The following NEMP2 variants were observed in gnomAD, a reference collection of about 807,000 sequenced individuals.
NEMP2 encodes the protein nuclear envelope integral membrane protein 2.
A neutral mutation model predicts 54.2 loss-of-function variants in NEMP2; 53 were observed. The ratio of observed to expected loss-of-function variants is 0.98; its 90% CI spans 0.78 to 1.23. The LOEUF is 1.23. Ranked by LOEUF, NEMP2 falls within the 50% of genes most tolerant of loss-of-function variation. NEMP2 has a pLI of 0.00. For synonymous variants in NEMP2, 197 were observed against 190.3 expected, an observed-to-expected ratio of 1.04 and a Z score of -0.29; for missense variants, 455 against 511.3, an observed-to-expected ratio of 0.89 and a Z score of 1.06.
In NEMP2 at chr2:190,512,100, T is replaced by C. The variant is rs549869669; in HGVS notation, c.954-1563A>G. On this transcript the variant is annotated intron_variant, in intron 7 of 8. Transcript: ENST00000409150. The surrounding 1 kb of genome is among the most constrained non-coding windows in gnomAD (Gnocchi z 4.5). ...TATAATCTCCTTCTGCTTTTCTGAA[T>C]ACCTGTGCATGGTTTCCCTGAAGGA... 6.6e-6 allele frequency among the ~76,000 whole-genome samples: 1 copy of C among 152,246 alleles called. No homozygotes were observed. Among genetic ancestry groups the C allele is most frequent in the African/African-American group, 2.4e-5 (1 of 41,552 alleles).
At chr2:190,599,972 G>A in the NEMP2 span, among the ~76,000 whole-genome samples, 2 of 152,182 alleles carry the variant, frequency 1.3e-5, no homozygotes, top group African/African-American at 4.8e-5. Flanking sequence ...TGGGAGCACA[G>A]CGGCTTTCAC....
rs1690340565 is a variant in NEMP2, at chr2:190,510,893, A to AAAAG, written c.954-360_954-357dup. 2.6e-5 allele frequency among the ~76,000 whole-genome samples: 4 copies of AAAAG among 152,126 alleles called. No individual in the cohort carries two copies. The South Asian group carries it at 8.3e-4, about 32-fold the overall frequency. ...GAGACTCCGTCTCAAAAAAAAAAAAAAAAGATTTACAAAAATACATTTCTT... is the reference window on the plus strand; with the variant it reads ...GAGACTCCGTCTCAAAAAAAAAAAAAAAAGAAAGATTTACAAAAATACATTTCTT... On this transcript the variant is annotated intron_variant, in intron 7 of 8. Coordinates refer to ENST00000409150, the MANE Select transcript of NEMP2 (RefSeq NM_001142645.2). The surrounding 1 kb of genome is among the most constrained non-coding windows in gnomAD (Gnocchi z 5.7).
chr2:190,599,506 A>G, the NEMP2 span, among the ~76,000 whole-genome samples: 1 of 152,190 alleles, frequency 6.6e-6, no homozygotes, highest in Non-Finnish European at 1.5e-5. Context: ...TTTGCTACTG[A>G]TTAGTAATAT....
At chr2:190,488,897 CA>C in the NEMP2 span, 1 of 1,300,906 alleles carries the variant, frequency 7.7e-7, no homozygotes, top group African/African-American at 1.5e-5. The surrounding 1 kb of genome is among the most constrained non-coding windows in gnomAD (Gnocchi z 6.4). Context: ...ATAAACAATC[CA>C]ATTATTACTG....
the NEMP2 span, among the ~76,000 whole-genome samples, chr2:190,560,202 C>T: frequency 6.6e-6 from 1 of 152,148 alleles, no homozygotes; most frequent in East Asian, 1.9e-4. This position sits in a 1 kb window ranked among gnomAD's most constrained non-coding sequence, Gnocchi z 5.4. Flanking sequence ...AAGGTAGGAG[C>T]CCGTGGGTGG....
At chr2:190,524,259 TATC>T (rs1331400803) in intron 2 of NEMP2, among the ~76,000 whole-genome samples, 5 of 151,982 alleles carry the variant, frequency 3.3e-5, no homozygotes, top group African/African-American at 1.2e-4. Context: ...ATTTGATAAA[TATC>T]ATCATGATTA....
In NEMP2 at chr2:190,516,266, C is replaced by T; in HGVS notation, c.727+4G>A. 1 of 1,536,656 alleles carries T rather than the reference C, an allele frequency of 6.5e-7. No homozygotes were observed. The stretch of plus-strand genomic sequence containing the variant: ...CAGAGCATATTGTTTTTCTATTTAC[C>T]TACCTAATACATATATCCTGTTTTC... On this transcript the variant is annotated splice_donor_region_variant and intron_variant, in intron 6 of 8. Coordinates refer to ENST00000409150, the MANE Select transcript of NEMP2 (RefSeq NM_001142645.2).
upstream of NEMP2, chr2:190,534,766 A>C: frequency 4.9e-6 from 4 of 812,058 alleles, no homozygotes; most frequent in Non-Finnish European, 6.6e-6. Context: ...TGAGGCCCGA[A>C]CGCGGGAAAG....
chr2:190,593,002 A>C, the NEMP2 span, among the ~76,000 whole-genome samples: 1 of 152,208 alleles, frequency 6.6e-6, no homozygotes, highest in Non-Finnish European at 1.5e-5. This position sits in a 1 kb window ranked among gnomAD's most constrained non-coding sequence, Gnocchi z 4.5. Context: ...TCTATTACTC[A>C]TCCTGAGTCT....
chr2:190,580,667 C>T, the NEMP2 span, among the ~76,000 whole-genome samples: 2 of 152,272 alleles, frequency 1.3e-5, no homozygotes, highest in South Asian at 2.1e-4. The surrounding 1 kb of genome is among the most constrained non-coding windows in gnomAD (Gnocchi z 5.3). Context: ...CAGGATAAAG[C>T]TCTATCAGCA....
At chr2:190,623,910 T>C in the NEMP2 span, among the ~76,000 whole-genome samples, 1 of 152,122 alleles carries the variant, frequency 6.6e-6, no homozygotes, top group African/African-American at 2.4e-5. Flanking sequence ...GAGAAAATAT[T>C]TGCAAACTAT....
intron 1 of NEMP2, 167 bp downstream of exon 1, chr2:190,534,392 G>T (rs1025912150): frequency 1.5e-5 from 18 of 1,211,410 alleles, no homozygotes; most frequent in Non-Finnish European, 1.7e-5. Flanking sequence ...CAGTAAGACA[G>T]GAAGGGCGGG....
In NEMP2 at chr2:190,525,329, C is replaced by T; in HGVS notation, c.147G>A (p.Glu49=). Residue 49 remains glutamate (E), a synonymous_variant, in exon 2 of 9, where the codon GAG becomes GAA. Transcript: ENST00000409150. The surrounding 1 kb of genome is among the most constrained non-coding windows in gnomAD (Gnocchi z 5.0). ...LKEKDLIRTS[E]SDCYCYNQNS... The stretch of plus-strand genomic sequence containing the variant: ...TTTGATTGTAGCAGTAACAGTCTGA[C>T]TCAGACGTTCTAATTAAATCTTTTT... 1 of 1,550,732 alleles carries T rather than the reference C, an allele frequency of 6.4e-7. No homozygotes were observed. Among genetic ancestry groups the T allele is most frequent in the Non-Finnish European group, 8.7e-7 (1 of 1,146,418 alleles).
At chr2:190,455,044 A>G in the NEMP2 span, among the ~76,000 whole-genome samples, 5 of 151,242 alleles carry the variant, frequency 3.3e-5, no homozygotes, top group East Asian at 9.7e-4. Flanking sequence ...CAGATCCACC[A>G]TGCAAGCCTG....
the NEMP2 span, chr2:190,489,855 A>G: frequency 1.1e-5 from 17 of 1,613,770 alleles, no homozygotes; most frequent in Non-Finnish European, 1.4e-5. The surrounding 1 kb of genome is among the most constrained non-coding windows in gnomAD (Gnocchi z 6.6). Flanking sequence ...GCAGTGCCAG[A>G]TGAGGAAGAA....
the NEMP2 span, among the ~76,000 whole-genome samples, chr2:190,553,728 T>C: frequency 2.0e-5 from 3 of 149,194 alleles, no homozygotes; most frequent in Non-Finnish European, 3.0e-5. Context: ...AGAACATTTC[T>C]GGTGATTGTG....
chr2:190,456,628 C>G, the NEMP2 span, among the ~76,000 whole-genome samples: 1 of 152,216 alleles, frequency 6.6e-6, no homozygotes, highest in East Asian at 1.9e-4. This position sits in a 1 kb window ranked among gnomAD's most constrained non-coding sequence, Gnocchi z 5.4. Flanking sequence ...GTTCACACCC[C>G]TCTCCTTTCA....
chr2:190,492,024 G>T, the NEMP2 span, among the ~76,000 whole-genome samples: 1 of 152,208 alleles, frequency 6.6e-6, no homozygotes, highest in African/African-American at 2.4e-5. This position sits in a 1 kb window ranked among gnomAD's most constrained non-coding sequence, Gnocchi z 5.2. Context: ...GTTCTGGAAA[G>T]TCTCAGCAAC....
the NEMP2 span, among the ~76,000 whole-genome samples, chr2:190,489,491 T>C: frequency 1.9e-4 from 29 of 152,296 alleles, no homozygotes; most frequent in East Asian, 5.6e-3. The surrounding 1 kb of genome is among the most constrained non-coding windows in gnomAD (Gnocchi z 6.6). Context: ...AGAGCACCAT[T>C]GAATTGTATG....
Sources: allele counts gnomAD v4.1 joint callset (sites outside exome capture counted in the v4.1 genomes callset), GRCh38; gene constraint gnomAD v4.1.1; non-coding constraint Gnocchi (gnomAD v3.1); transcripts MANE v1.5; gene names NCBI Gene and HGNC (gene_info 2026-07-23, HGNC 2026-07-21).